CHD5: variants seen among roughly 807,000 people sequenced by gnomAD.
CHD5 encodes the protein chromodomain helicase DNA binding protein 5, also known as ATP-dependent chromatin remodeler CHD5.
Under a neutral mutation model 230.3 loss-of-function variants are expected in CHD5, and 69 were observed. That is an observed-to-expected ratio of 0.30 (90% CI 0.25 to 0.37). The LOEUF (loss-of-function observed/expected upper bound fraction) is 0.37, where lower values mean the gene tolerates loss of function less well. CHD5 is among the 10% of genes least tolerant of loss of function. The pLI is 1.00. For missense variants in CHD5, 1,827 were observed against 2,622.8 expected, an observed-to-expected ratio of 0.70 and a Z score of 6.63; for synonymous variants, 1,064 against 1,065.9, an observed-to-expected ratio of 1.00 and a Z score of 0.03.
In CHD5 at chr1:6,130,677, C is replaced by T. The variant is rs1293012452; in HGVS notation, c.3263-349G>A. ...GAGCTCAGAGTCCTTCATGTCCCCG[C>T]AGCTTCCCACCCCTGGCTTCCCTTA... On this transcript the variant is annotated intron_variant, in intron 21 of 41. Coordinates refer to ENST00000262450, the MANE Select transcript of CHD5 (RefSeq NM_015557.3). The surrounding 1 kb of genome is among the most constrained non-coding windows in gnomAD (Gnocchi z 4.9). 6.6e-6 allele frequency among the ~76,000 whole-genome samples: 1 copy of T among 152,220 alleles called. No individual in the cohort carries two copies. The highest frequency in any genetic ancestry group is 1.5e-5 in the Non-Finnish European group (1 of 68,028).
chr1:6,130,333 A>G lies in CHD5; in HGVS notation c.3263-5T>C. 6.2e-7 allele frequency: 1 copy of G among 1,613,408 alleles called. No individual in the cohort carries two copies. ...AGAACTGCTGGGCCCCGGGGGCTGA[A>G]AAAGAGAGGCCAGCAGATGGGAGTG... On this transcript the variant is annotated splice_polypyrimidine_tract_variant and splice_region_variant and intron_variant, in intron 21 of 41. Coordinates refer to ENST00000262450, the MANE Select transcript of CHD5 (RefSeq NM_015557.3). This position sits in a 1 kb window ranked among gnomAD's most constrained non-coding sequence, Gnocchi z 4.9.
At chr1:6,152,564 C>T in intron 5 of CHD5, 28 bp from the exon 6 acceptor site, 1 of 1,612,262 alleles carries the variant, frequency 6.2e-7, no homozygotes, top group East Asian at 2.2e-5. Flanking sequence ...TGATAGCCAA[C>T]CACTGCCACC....
intron 3 of CHD5, among the ~76,000 whole-genome samples, chr1:6,158,328 C>T (rs1402809301): frequency 6.6e-6 from 1 of 152,208 alleles, no homozygotes; most frequent in Non-Finnish European, 1.5e-5. Context: ...TAGGAGACTC[C>T]GGGAATGCCT....
intron 34 of CHD5, 117 bp from the exon 35 acceptor site, chr1:6,112,394 A>T (rs1217687529): frequency 7.8e-7 from 1 of 1,290,172 alleles, no homozygotes; most frequent in Admixed American, 2.0e-5. Context: ...TCTTGTCCTC[A>T]GGGGACTCGC....
In CHD5 at chr1:6,180,065, G is replaced by T. The variant is rs1451809541; in HGVS notation, c.-42C>A. On this transcript the variant is annotated 5_prime_UTR_variant, in exon 1 of 42. Coordinates refer to ENST00000262450, the MANE Select transcript of CHD5 (RefSeq NM_015557.3). Reference sequence around the variant, plus strand: ...AGGGGAGGTGGGCGCCCCCCCTCCCGCCGGGCGCGGTGCCAGCCTTAACCC... The same window carrying T: ...AGGGGAGGTGGGCGCCCCCCCTCCCTCCGGGCGCGGTGCCAGCCTTAACCC... 2.7e-6 allele frequency: 3 copies of T among 1,116,564 alleles called. No homozygotes were observed. The highest frequency in any genetic ancestry group is 4.3e-5 in the South Asian group (2 of 46,282). 69.2% of individuals were successfully genotyped at this position (1,116,564 alleles called of 1,614,324 possible).
Position 6,142,093 on chromosome 1 carries a change from T to C in CHD5, c.2436+35A>G, listed in dbSNP as rs370163725. 4 of 1,590,412 alleles carry C rather than the reference T, an allele frequency of 2.5e-6. No homozygotes were observed. Among genetic ancestry groups the C allele is most frequent in the African/African-American group, 2.7e-5 (2 of 74,556 alleles). ...TGGTCCCTGAACTAGACCGGGGGCC[T>C]TCCTACCGTCCTTCCAAGGATAGCG... On this transcript the variant is annotated intron_variant, in intron 15 of 41. Coordinates refer to ENST00000262450, the MANE Select transcript of CHD5 (RefSeq NM_015557.3). The surrounding 1 kb of genome is among the most constrained non-coding windows in gnomAD (Gnocchi z 5.2).
intron 33 of CHD5, among the ~76,000 whole-genome samples, chr1:6,118,317 G>A (rs1344626156): frequency 2.1e-5 from 3 of 144,704 alleles, no homozygotes; most frequent in South Asian, 2.3e-4. Context: ...GGTCAAGGCT[G>A]TAGTTAAGCC....
intron 7 of CHD5, among the ~76,000 whole-genome samples, chr1:6,149,979 T>C (rs907946990): frequency 1.4e-5 from 2 of 143,448 alleles, no homozygotes; most frequent in Non-Finnish European, 3.0e-5. Context: ...GGCAAATGAA[T>C]GGATGATGGA....
Position 6,125,338 on chromosome 1 carries a change from G to A in CHD5, c.4261-105C>T, listed in dbSNP as rs1421758777. The A allele has an allele frequency of 1.3e-5, 17 of 1,283,410 alleles. No individual in the cohort carries two copies. Among genetic ancestry groups the A allele is most frequent in the African/African-American group, 2.9e-5 (2 of 68,004 alleles). The allele number at this position is 1,283,410 out of a possible 1,614,324, so 79.5% of individuals were successfully genotyped here. ...GCATGGGAGGAGGAGAAGGTAGGAAGGGGGCACAGAGAAGGCAGGGGCCTC... is the reference window on the plus strand; with the variant it reads ...GCATGGGAGGAGGAGAAGGTAGGAAAGGGGCACAGAGAAGGCAGGGGCCTC... On this transcript the variant is annotated intron_variant, in intron 28 of 41. Coordinates refer to ENST00000262450, the MANE Select transcript of CHD5 (RefSeq NM_015557.3). This position sits in a 1 kb window ranked among gnomAD's most constrained non-coding sequence, Gnocchi z 6.7.
chr1:6,110,271 G>A (rs1288558123), intron 37 of CHD5, 123 bp downstream of exon 37: 13 of 1,146,030 alleles, frequency 1.1e-5, no homozygotes, highest in Admixed American at 5.8e-5. Context: ...CTGCTGCTTC[G>A]TGGCAGCGTG....
chr1:6,159,632 C>T (rs1204961635), intron 2 of CHD5, 117 bp from the exon 3 acceptor site: 1 of 774,924 alleles, frequency 1.3e-6, no homozygotes, highest in Non-Finnish European at 2.1e-6. Context: ...GACCGATCCC[C>T]ATCACTCCAC....
chr1:6,146,185 G>A lies in CHD5; in HGVS notation c.1802+27C>T, dbSNP rs757637424. On this transcript the variant is annotated intron_variant, in intron 11 of 41. Transcript: ENST00000262450. The surrounding 1 kb of genome is among the most constrained non-coding windows in gnomAD (Gnocchi z 5.1). The stretch of plus-strand genomic sequence containing the variant: ...TGACGTGGCCCGGCCCCAGCGATGG[G>A]CAGGGTGGCCGCCTGCAGGCACACA... 1.2e-6 allele frequency: 2 copies of A among 1,606,834 alleles called. No homozygotes were observed. Among genetic ancestry groups the A allele is most frequent in the Non-Finnish European group, 1.7e-6 (2 of 1,174,326 alleles).
At chr1:6,172,214 A>G (rs1237545165) in intron 1 of CHD5, among the ~76,000 whole-genome samples, 1 of 152,232 alleles carries the variant, frequency 6.6e-6, no homozygotes, top group Non-Finnish European at 1.5e-5. Flanking sequence ...AGCAGTCGTG[A>G]TAACTGCATA....
At chr1:6,164,763 G>C (rs1196033705) in intron 2 of CHD5, among the ~76,000 whole-genome samples, 1 of 152,194 alleles carries the variant, frequency 6.6e-6, no homozygotes, top group African/African-American at 2.4e-5. Context: ...ATGCAGGGGA[G>C]GGGGCACCTC....
chr1:6,175,321 G>GATGA (rs1384493955), intron 1 of CHD5, among the ~76,000 whole-genome samples: 25 of 151,196 alleles, frequency 1.7e-4, no homozygotes, highest in African/African-American at 6.1e-4. Context: ...ATGGTGGATG[G>GATGA]ATGAATGGAT....
chr1:6,155,543 C>G lies in CHD5; in HGVS notation c.506+56G>C. 1 of 1,482,002 alleles carries G rather than the reference C, an allele frequency of 6.7e-7. No individual in the cohort carries two copies. The highest frequency in any genetic ancestry group is 1.1e-5 in the South Asian group (1 of 88,132). 91.8% of individuals were successfully genotyped at this position (1,482,002 alleles called of 1,614,324 possible). ...CTTCACTCCTCTGCCTCCCTCCCGA[C>G]TTGGTACCACCAGAGGATGTGCGGG... On this transcript the variant is annotated intron_variant, in intron 4 of 41. Transcript: ENST00000262450. This position sits in a 1 kb window ranked among gnomAD's most constrained non-coding sequence, Gnocchi z 4.0.
chr1:6,129,227 G>T lies in CHD5; in HGVS notation c.3388-158C>A, dbSNP rs1429222202. On this transcript the variant is annotated intron_variant, in intron 22 of 41. Coordinates refer to ENST00000262450, the MANE Select transcript of CHD5 (RefSeq NM_015557.3). This position sits in a 1 kb window ranked among gnomAD's most constrained non-coding sequence, Gnocchi z 6.8. ...TGTGTGGAGCCCACCACTGCAGCTG[G>T]GCTCCCTCCCTGACTGCGGAGCCTC... 1.3e-5 allele frequency among the ~76,000 whole-genome samples: 2 copies of T among 150,846 alleles called. No homozygotes were observed. Among genetic ancestry groups the T allele is most frequent in the African/African-American group, 4.9e-5 (2 of 40,892 alleles).
chr1:6,114,754 T>C (rs1666348841), intron 33 of CHD5, among the ~76,000 whole-genome samples: 1 of 151,618 alleles, frequency 6.6e-6, no homozygotes, highest in African/African-American at 2.4e-5. Context: ...CCCTCAAAAC[T>C]AGAAAAAAAA....
At chr1:6,151,669 C>CAAAT (rs1409365124) in intron 6 of CHD5, among the ~76,000 whole-genome samples, 1 of 152,228 alleles carries the variant, frequency 6.6e-6, no homozygotes, top group Non-Finnish European at 1.5e-5. Flanking sequence ...ATGTGCTCAA[C>CAAAT]AAATATCTGC....
Sources: gnomAD v4.1 joint callset for allele counts (sites outside exome capture counted in the v4.1 genomes callset) on GRCh38, gnomAD v4.1.1 for gene constraint, Gnocchi (gnomAD v3.1) non-coding constraint, MANE v1.5 for transcripts, NCBI Gene and HGNC (gene_info 2026-07-23, HGNC 2026-07-21) for gene names.